Variants in ZBTB40 observed in about 807,000 individuals in gnomAD.
ZBTB40 encodes zinc finger and BTB domain containing 40, also known as zinc finger and BTB domain-containing protein 40.
Under a neutral mutation model 117.5 loss-of-function variants are expected in ZBTB40, and 60 were observed. The observed-to-expected ratio is 0.51, with a 90% CI of 0.41 to 0.63. The LOEUF is 0.63. Among genes scored for constraint, ZBTB40 ranks in the 30% least tolerant of loss-of-function variants. The probability of loss-of-function intolerance (pLI) is 0.00; values close to 1 mark genes in which losing one functional copy is unlikely to be tolerated. For missense variants in ZBTB40, 1,287 were observed against 1,498.5 expected, an observed-to-expected ratio of 0.86 and a Z score of 2.33; for synonymous variants, 525 against 577.1, an observed-to-expected ratio of 0.91 and a Z score of 1.29.
chr1:22,508,788 TCC>T, intron 8 of ZBTB40, 57 bp downstream of exon 8: 1 of 1,549,658 alleles, frequency 6.5e-7, no homozygotes, highest in South Asian at 1.1e-5. Flanking sequence ...CTGTCAGTCT[TCC>T]TAGAAAATAG....
chr1:22,467,561 G>A (rs1569788655), intron 1 of ZBTB40, among the ~76,000 whole-genome samples: 1 of 152,096 alleles, frequency 6.6e-6, no homozygotes, highest in Non-Finnish European at 1.5e-5. Flanking sequence ...TGCAATCTCT[G>A]CCTCCCTGGT....
intron 11 of ZBTB40, among the ~76,000 whole-genome samples, 182 bp from the exon 12 acceptor site, chr1:22,512,742 T>G (rs552907536): frequency 6.6e-6 from 1 of 152,094 alleles, no homozygotes; most frequent in Non-Finnish European, 1.5e-5. Flanking sequence ...GGGATGCCAG[T>G]TGGTGGGTAG....
intron 1 of ZBTB40, among the ~76,000 whole-genome samples, chr1:22,470,484 A>T (rs1641375705): frequency 1.3e-5 from 2 of 152,080 alleles, no homozygotes; most frequent in South Asian, 2.1e-4. Flanking sequence ...AAGGGGGATA[A>T]ATCTGAAGTG....
At chr1:22,492,880 C>T (rs1407789458) in intron 3 of ZBTB40, among the ~76,000 whole-genome samples, 2 of 152,142 alleles carry the variant, frequency 1.3e-5, no homozygotes, top group Non-Finnish European at 2.9e-5. Context: ...CTTAACTGTT[C>T]AATCCATCAT....
chr1:22,429,120 T>C (rs1640542924), intron 1 of ZBTB40, among the ~76,000 whole-genome samples: 2 of 152,094 alleles, frequency 1.3e-5, no homozygotes, highest in African/African-American at 4.8e-5. Context: ...CGGTGGCTCA[T>C]GCCTGTAATC....
At chr1:22,443,437 CAA>C (rs1640755724) in intron 1 of ZBTB40, among the ~76,000 whole-genome samples, 2 of 152,204 alleles carry the variant, frequency 1.3e-5, no homozygotes, top group South Asian at 4.1e-4. Context: ...TAGGTGGATT[CAA>C]AGAGTTTCTG....
chr1:22,510,202 C>T (rs1226377864), intron 9 of ZBTB40, among the ~76,000 whole-genome samples: 1 of 152,194 alleles, frequency 6.6e-6, no homozygotes, highest in Non-Finnish European at 1.5e-5. Flanking sequence ...ACTACAGATT[C>T]AAATGTAGTG....
At chr1:22,484,854 G>A (rs1638422468) in intron 1 of ZBTB40, among the ~76,000 whole-genome samples, 1 of 152,146 alleles carries the variant, frequency 6.6e-6, no homozygotes, top group Non-Finnish European at 1.5e-5. Flanking sequence ...TCATGAATGG[G>A]CATTGGATTT....
intron 1 of ZBTB40, among the ~76,000 whole-genome samples, chr1:22,434,670 A>G (rs1640647715): frequency 6.6e-6 from 1 of 152,194 alleles, no homozygotes; most frequent in Non-Finnish European, 1.5e-5. Flanking sequence ...TTTTAATTAT[A>G]AAGTTTATCT....
intron 1 of ZBTB40, among the ~76,000 whole-genome samples, chr1:22,478,002 G>T (rs940762556): frequency 6.6e-6 from 1 of 151,996 alleles, no homozygotes; most frequent in Admixed American, 6.6e-5. Flanking sequence ...GTACATAAAC[G>T]TACATAGTTT....
chr1:22,516,856 C>T (rs1639385282), intron 12 of ZBTB40, among the ~76,000 whole-genome samples: 1 of 152,184 alleles, frequency 6.6e-6, no homozygotes, highest in Non-Finnish European at 1.5e-5. Context: ...AACTTTATAG[C>T]AAGCAACTGG....
chr1:22,509,512 A>C (rs1355509346), intron 9 of ZBTB40, among the ~76,000 whole-genome samples: 1 of 151,906 alleles, frequency 6.6e-6, no homozygotes, highest in Non-Finnish European at 1.5e-5. Context: ...GTGCCCTGCT[A>C]ATTTTTTGTA....
rs143363172 is a variant in ZBTB40, at chr1:22,471,780, C to T, written c.-69-18100C>T. On this transcript the variant is annotated intron_variant, in intron 1 of 17. Coordinates refer to ENST00000375647, the MANE Select transcript of ZBTB40 (RefSeq NM_014870.4). Reference sequence around the variant, plus strand: ...GGGATGCTGAACACATGACACCTGACAGTGGACAGATGAGCTTGACAGCTG... The same window carrying T: ...GGGATGCTGAACACATGACACCTGATAGTGGACAGATGAGCTTGACAGCTG... 9.2e-5 allele frequency among the ~76,000 whole-genome samples: 14 copies of T among 152,322 alleles called. No individual in the cohort carries two copies. The East Asian group carries it at 2.5e-3, about 27-fold the overall frequency.
chr1:22,466,952 T>G (rs1641270402), intron 1 of ZBTB40, among the ~76,000 whole-genome samples: 1 of 152,096 alleles, frequency 6.6e-6, no homozygotes, highest in Admixed American at 6.6e-5. Context: ...GGATTACATG[T>G]TCTTTTAGTG....
chr1:22,464,153 C>T (rs553818468), intron 1 of ZBTB40, among the ~76,000 whole-genome samples: 1 of 152,318 alleles, frequency 6.6e-6, no homozygotes, highest in Non-Finnish European at 1.5e-5. Context: ...GAGAAAGGTA[C>T]TATTACTATC....
At chr1:22,445,058 T>C (rs1640772202) in intron 1 of ZBTB40, among the ~76,000 whole-genome samples, 2 of 152,178 alleles carry the variant, frequency 1.3e-5, no homozygotes, top group Admixed American at 1.3e-4. Flanking sequence ...CGTTCCTTAG[T>C]GCTAACATAC....
rs375931103 is a variant in ZBTB40 at position 22,531,056 on chromosome 1, G to T, written c.*4660G>T. On this transcript the variant is annotated 3_prime_UTR_variant, in exon 18 of 18. Coordinates refer to ENST00000375647, the MANE Select transcript of ZBTB40 (RefSeq NM_014870.4). Reference sequence around the variant, plus strand: ...ATTATAAAATGGGGAAAATGATTGTGCTTGCCCTACAGAATTGTAGTATGA... The same window carrying T: ...ATTATAAAATGGGGAAAATGATTGTTCTTGCCCTACAGAATTGTAGTATGA... The T allele has an allele frequency of 5.3e-5, 8 of 152,132 alleles. No homozygotes were observed. Among genetic ancestry groups the T allele is most frequent in the African/African-American group, 1.7e-4 (7 of 41,416 alleles). The allele number at this position is 152,132 out of a possible 1,614,324, so 9.4% of individuals were successfully genotyped here. A position where few individuals can be genotyped will look rare whatever the true frequency, so the allele number is the denominator to read the frequency against.
At chr1:22,480,119 T>TGGTCTCGAACTCCTGACC (rs1638249609) in intron 1 of ZBTB40, among the ~76,000 whole-genome samples, 2 of 152,198 alleles carry the variant, frequency 1.3e-5, no homozygotes, top group South Asian at 4.1e-4. Context: ...GTTGGCTGGC[T>TGGTCTCGAACTCCTGACC]GGTCTCGAAC....
At chr1:22,471,402 A>G (rs568710766) in intron 1 of ZBTB40, among the ~76,000 whole-genome samples, 15 of 152,254 alleles carry the variant, frequency 9.9e-5, no homozygotes, top group Non-Finnish European at 2.1e-4. Context: ...GTAGTTAAGA[A>G]CACGGAGCCA....
Sources: gnomAD v4.1 joint callset for allele counts (sites outside exome capture counted in the v4.1 genomes callset) on GRCh38, gnomAD v4.1.1 for gene constraint, MANE v1.5 for transcripts, NCBI Gene and HGNC (gene_info 2026-07-23, HGNC 2026-07-21) for gene names.